EPHB1: variants seen among roughly 807,000 people sequenced by gnomAD.
EPHB1 encodes ephrin type-B receptor 1.
Under a neutral mutation model 94.4 loss-of-function variants are expected in EPHB1, and 30 were observed. That is an observed-to-expected ratio of 0.32 (90% CI 0.24 to 0.43). EPHB1 has a LOEUF of 0.43. Among genes scored for constraint, EPHB1 ranks in the 20% least tolerant of loss-of-function variants. The pLI, the probability that EPHB1 is intolerant of heterozygous loss-of-function variation, is 1.00. For synonymous variants in EPHB1, 522 were observed against 489.1 expected, an observed-to-expected ratio of 1.07 and a Z score of -0.89; for missense variants, 1,055 against 1,308.3, an observed-to-expected ratio of 0.81 and a Z score of 2.99.
In EPHB1 at chr3:134,875,644, C is replaced by T. The variant is rs367669826; in HGVS notation, c.59-50172C>T. On this transcript the variant is annotated intron_variant, in intron 1 of 15. Transcript: ENST00000398015. ...TAAAATGTGGATAATAACTACCTCTCAAGGTGGTGATGAGCTAATGTTTTT... is the reference window on the plus strand; with the variant it reads ...TAAAATGTGGATAATAACTACCTCTTAAGGTGGTGATGAGCTAATGTTTTT... 2.0e-4 allele frequency among the ~76,000 whole-genome samples: 31 copies of T among 152,314 alleles called. No homozygotes were observed. In the South Asian group the frequency reaches 6.0e-3, roughly 30 times the overall value.
intron 1 of EPHB1, among the ~76,000 whole-genome samples, chr3:134,909,825 A>G (rs900612828): frequency 4.6e-5 from 7 of 152,208 alleles, no homozygotes; most frequent in African/African-American, 1.4e-4. Flanking sequence ...CCAGCATTAC[A>G]AGAGGAAGAG....
chr3:134,897,203 C>A (rs1184328693), intron 1 of EPHB1, among the ~76,000 whole-genome samples: 2 of 152,192 alleles, frequency 1.3e-5, no homozygotes, highest in East Asian at 3.9e-4. Flanking sequence ...CTGGAAGAGT[C>A]CAACCTTATT....
intron 2 of EPHB1, among the ~76,000 whole-genome samples, chr3:134,938,045 C>G (rs1391656914): frequency 6.6e-6 from 1 of 151,692 alleles, no homozygotes; most frequent in African/African-American, 2.4e-5. Context: ...GGAGGGGCAG[C>G]CCATTATACC....
intron 3 of EPHB1, among the ~76,000 whole-genome samples, chr3:134,975,262 G>T (rs1934139387): frequency 6.6e-6 from 1 of 152,162 alleles, no homozygotes; most frequent in Admixed American, 6.5e-5. Context: ...CTAATGAGCT[G>T]GGATCAGGGT....
intron 3 of EPHB1, among the ~76,000 whole-genome samples, chr3:135,002,146 A>G (rs564773261): frequency 2.8e-4 from 42 of 152,214 alleles, no homozygotes; most frequent in Admixed American, 5.2e-4. Context: ...CTTGAAAACA[A>G]TATTCAGTAC....
chr3:134,861,147 G>A (rs559122637), intron 1 of EPHB1, among the ~76,000 whole-genome samples: 1 of 152,290 alleles, frequency 6.6e-6, no homozygotes, highest in South Asian at 2.1e-4. Flanking sequence ...GGGCATGAGT[G>A]TGGTGAGGAA....
intron 4 of EPHB1, among the ~76,000 whole-genome samples, chr3:135,120,631 C>G (rs1939918944): frequency 6.6e-6 from 1 of 152,196 alleles, no homozygotes; most frequent in African/African-American, 2.4e-5. Flanking sequence ...GTATACTTAC[C>G]TTTTTCAATT....
At chr3:135,118,016 G>A (rs1233653916) in intron 4 of EPHB1, among the ~76,000 whole-genome samples, 3 of 152,234 alleles carry the variant, frequency 2.0e-5, no homozygotes, top group Non-Finnish European at 1.5e-5. Flanking sequence ...TACTCCATGA[G>A]CAATAATGGA....
chr3:134,896,686 C>G (rs11929546), intron 1 of EPHB1, among the ~76,000 whole-genome samples: 2 of 152,260 alleles, frequency 1.3e-5, no homozygotes, highest in African/African-American at 2.4e-5. Flanking sequence ...TGCTCTGAAG[C>G]CTTGGCTCAT....
intron 1 of EPHB1, among the ~76,000 whole-genome samples, chr3:134,876,489 G>A (rs1053823421): frequency 2.0e-5 from 3 of 152,220 alleles, no homozygotes; most frequent in South Asian, 2.1e-4. Context: ...CGAGGGCCTG[G>A]ACTCTCCCCT....
At chr3:134,992,706 G>C (rs944512815) in intron 3 of EPHB1, among the ~76,000 whole-genome samples, 1 of 151,986 alleles carries the variant, frequency 6.6e-6, no homozygotes, top group Admixed American at 6.6e-5. Flanking sequence ...GGGAGGAGAC[G>C]GGGAGCCTTG....
intron 3 of EPHB1, among the ~76,000 whole-genome samples, chr3:135,019,440 A>G (rs1178525611): frequency 2.6e-5 from 4 of 152,184 alleles, no homozygotes; most frequent in African/African-American, 9.7e-5. Flanking sequence ...CTGTCCAAAG[A>G]CTTGCCTGTA....
chr3:135,024,589 G>A (rs1010796498), intron 3 of EPHB1, among the ~76,000 whole-genome samples: 2 of 152,098 alleles, frequency 1.3e-5, no homozygotes, highest in African/African-American at 4.8e-5. Flanking sequence ...TACACCGGGG[G>A]GTTGTCTAGC....
At chr3:135,110,676 A>G (rs1939403789) in intron 4 of EPHB1, among the ~76,000 whole-genome samples, 1 of 152,162 alleles carries the variant, frequency 6.6e-6, no homozygotes, top group African/African-American at 2.4e-5. Flanking sequence ...GATGTTGCAA[A>G]CCATCGTGGC....
chr3:135,249,187 T>C, intron 14 of EPHB1, 149 bp from the exon 15 acceptor site: 1 of 898,448 alleles, frequency 1.1e-6, no homozygotes, highest in Non-Finnish European at 1.6e-6. Context: ...TAGGATTCCA[T>C]GAAGAAGAAA....
chr3:134,979,568 C>T (rs1405182313), intron 3 of EPHB1, among the ~76,000 whole-genome samples: 2 of 152,186 alleles, frequency 1.3e-5, no homozygotes, highest in African/African-American at 4.8e-5. Flanking sequence ...GCTTTTTAAA[C>T]AATCTTATAA....
In EPHB1 at chr3:134,932,077, C is replaced by T. The variant is rs116618409; in HGVS notation, c.123+6197C>T. ...TGTATGAAGTTAAATTAGCTGATCT[C>T]ACCCTGTGCTTCAGTAAGCAGTTCT... On this transcript the variant is annotated intron_variant, in intron 2 of 15. Transcript: ENST00000398015. Among the ~76,000 whole-genome samples the T allele has an allele frequency of 5.7e-3, 867 of 151,980 alleles. 3 individuals carry two copies. The highest frequency in any genetic ancestry group is 0.02 in the African/African-American group (823 of 41,454).
chr3:135,095,639 C>T (rs1447834341), intron 3 of EPHB1, among the ~76,000 whole-genome samples: 1 of 152,174 alleles, frequency 6.6e-6, no homozygotes, highest in Non-Finnish European at 1.5e-5. Context: ...GCTGCCCCTC[C>T]AAGCGCTCAG....
At chr3:135,197,817 GT>G (rs534497179) in intron 11 of EPHB1, among the ~76,000 whole-genome samples, 42 of 148,106 alleles carry the variant, frequency 2.8e-4, no homozygotes, top group East Asian at 5.9e-4. Flanking sequence ...AAATAAGTTA[GT>G]TTTTTTTTTT....
Sources: gnomAD v4.1 joint callset for allele counts (sites outside exome capture counted in the v4.1 genomes callset) on GRCh38, gnomAD v4.1.1 for gene constraint, MANE v1.5 for transcripts, NCBI Gene and HGNC (gene_info 2026-07-23, HGNC 2026-07-21) for gene names.